The following TENT2 variants were observed in gnomAD, a reference collection of about 807,000 sequenced individuals.
The protein encoded by TENT2 is terminal nucleotidyltransferase 2, also known as poly(A) RNA polymerase GLD2.
A neutral mutation model predicts 72.2 loss-of-function variants in TENT2; 44 were observed. The ratio of observed to expected loss-of-function variants is 0.61; its 90% CI spans 0.48 to 0.78. The LOEUF is 0.78. Ranked by LOEUF, TENT2 falls within the 30% of genes least tolerant of loss-of-function variation. The pLI is 0.00. For missense variants in TENT2, 541 were observed against 569.6 expected (o/e 0.95, Z 0.51); for synonymous variants, 212 against 192.5 (o/e 1.10, Z -0.84).
intron 4 of TENT2, among the ~76,000 whole-genome samples, chr5:79,624,359 T>G (rs1242520026): frequency 6.6e-6 from 1 of 152,222 alleles, no homozygotes; most frequent in East Asian, 1.9e-4. Context: ...AAAAGCAACA[T>G]CTGCTTCATT....
chr5:79,674,418 A>G (rs1815549492), intron 12 of TENT2, among the ~76,000 whole-genome samples: 2 of 152,154 alleles, frequency 1.3e-5, no homozygotes, highest in South Asian at 4.1e-4. Context: ...CAAACAAACA[A>G]AATGTGAGGG....
chr5:79,675,238 G>A (rs778846038), intron 12 of TENT2, among the ~76,000 whole-genome samples: 1 of 152,180 alleles, frequency 6.6e-6, no homozygotes, highest in Admixed American at 6.5e-5. Flanking sequence ...GTTAAGAATG[G>A]TTGGAATCTA....
At chr5:79,675,716 T>C (rs1816751239) in intron 12 of TENT2, among the ~76,000 whole-genome samples, 1 of 152,188 alleles carries the variant, frequency 6.6e-6, no homozygotes, top group Admixed American at 6.5e-5. Context: ...GGAGTGATTT[T>C]AATAACTGAC....
intron 4 of TENT2, among the ~76,000 whole-genome samples, chr5:79,637,737 A>T (rs1487947851): frequency 1.4e-5 from 2 of 146,900 alleles, no homozygotes; most frequent in East Asian, 4.1e-4. Flanking sequence ...GCCGTGTGCT[A>T]CTTTTATGTG....
At chr5:79,681,931 G>A in intron 13 of TENT2, 51 bp from the exon 14 acceptor site, 6 of 1,469,276 alleles carry the variant, frequency 4.1e-6, no homozygotes, top group Non-Finnish European at 5.6e-6. Flanking sequence ...AAAAGAAACT[G>A]TAGCTCTCAT....
chr5:79,663,818 T>C (rs1804987539), intron 11 of TENT2, among the ~76,000 whole-genome samples: 1 of 152,194 alleles, frequency 6.6e-6, no homozygotes, highest in African/African-American at 2.4e-5. Flanking sequence ...ACTTGCTAGA[T>C]GCACCGTTGC....
chr5:79,681,575 A>T (rs1489411146), intron 13 of TENT2: 2 of 154,084 alleles, frequency 1.3e-5, no homozygotes, highest in African/African-American at 4.8e-5. Flanking sequence ...TTTAAGTTAA[A>T]ATTAAAGTTA....
chr5:79,627,124 C>T (rs1167105498), intron 4 of TENT2, among the ~76,000 whole-genome samples: 38 of 118,974 alleles, frequency 3.2e-4, no homozygotes, highest in Admixed American at 2.3e-3. Context: ...AGTGAGACTC[C>T]GTCTCAAAAA....
At chr5:79,648,485 C>A in intron 8 of TENT2, 132 bp from the exon 9 acceptor site, 1 of 615,976 alleles carries the variant, frequency 1.6e-6, no homozygotes, top group South Asian at 2.3e-5. Flanking sequence ...ATTTTAAAAA[C>A]ACAGATCTAT....
At chr5:79,671,441 G>A (rs1272803005) in intron 12 of TENT2, among the ~76,000 whole-genome samples, 1 of 147,498 alleles carries the variant, frequency 6.8e-6, no homozygotes, top group Admixed American at 6.8e-5. Context: ...ACCTTGCTCT[G>A]TTGCCCAGGC....
intron 4 of TENT2, 51 bp from the exon 5 acceptor site, chr5:79,640,800 A>T: frequency 8.9e-7 from 1 of 1,127,398 alleles, no homozygotes; most frequent in Non-Finnish European, 1.3e-6. Flanking sequence ...TATAGCAATT[A>T]CTTTTACATT....
intron 4 of TENT2, among the ~76,000 whole-genome samples, chr5:79,634,056 C>G (rs1435807262): frequency 6.7e-6 from 1 of 148,588 alleles, no homozygotes. Context: ...ATAGTCCCAG[C>G]TACTCGGGAG....
intron 12 of TENT2, among the ~76,000 whole-genome samples, chr5:79,677,464 G>A (rs1818134727): frequency 6.6e-6 from 1 of 152,026 alleles, no homozygotes; most frequent in South Asian, 2.1e-4. Flanking sequence ...TTTGATTTAA[G>A]GAAATAAAAG....
intron 1 of TENT2, chr5:79,615,078 C>G (rs1477815438): frequency 1.3e-5 from 2 of 152,198 alleles, no homozygotes; most frequent in African/African-American, 4.8e-5. Flanking sequence ...TTTGCAGGGG[C>G]TCCAGAGCTT....
chr5:79,649,027 T>A, intron 9 of TENT2, 35 bp from the exon 10 acceptor site: 1 of 1,603,688 alleles, frequency 6.2e-7, no homozygotes, highest in Non-Finnish European at 8.5e-7. Flanking sequence ...AACTATAACG[T>A]CTCTTACCAT....
intron 4 of TENT2, among the ~76,000 whole-genome samples, chr5:79,628,649 T>G (rs1320272869): frequency 7.9e-5 from 12 of 152,146 alleles, no homozygotes; most frequent in Admixed American, 1.3e-4. Context: ...CCAGTAGAGA[T>G]AAAGAACCTA....
At chr5:79,677,820 G>A (rs1818374113) in intron 12 of TENT2, among the ~76,000 whole-genome samples, 1 of 152,066 alleles carries the variant, frequency 6.6e-6, no homozygotes, top group African/African-American at 2.4e-5. Context: ...GTTTTTTTAA[G>A]ATAGGGTCTC....
At chr5:79,636,143 A>AT (rs1164592185) in intron 4 of TENT2, among the ~76,000 whole-genome samples, 2 of 152,212 alleles carry the variant, frequency 1.3e-5, no homozygotes, top group African/African-American at 4.8e-5. Context: ...ATCATGTAAA[A>AT]TTTTATGTTA....
At chr5:79,645,762 A>G (rs1788358805) in intron 8 of TENT2, among the ~76,000 whole-genome samples, 1 of 152,166 alleles carries the variant, frequency 6.6e-6, no homozygotes, top group Non-Finnish European at 1.5e-5. Context: ...CTGATTTGTT[A>G]CTGTTTTCTA....
Sources: allele counts gnomAD v4.1 joint callset (sites outside exome capture counted in the v4.1 genomes callset), GRCh38; gene constraint gnomAD v4.1.1; transcripts MANE v1.5; gene names NCBI Gene and HGNC (gene_info 2026-07-23, HGNC 2026-07-21).